Variants in CPA6 observed in about 807,000 individuals in gnomAD.
CPA6 encodes carboxypeptidase B.
A neutral mutation model predicts 63.3 loss-of-function variants in CPA6; 58 were observed. That is an observed-to-expected ratio of 0.92 (90% confidence interval 0.74 to 1.14). The LOEUF (loss-of-function observed/expected upper bound fraction) is 1.14. Ranked by LOEUF, CPA6 falls within the 50% of genes most tolerant of loss-of-function variation. The probability of loss-of-function intolerance (pLI) is 0.00; values close to 1 mark genes in which losing one functional copy is unlikely to be tolerated. For missense variants in CPA6, 565 were observed against 526.6 expected (o/e 1.07, Z -0.71); for synonymous variants, 185 against 179.0 (o/e 1.03, Z -0.27).
At chr8:67,716,734 G>A (rs888592456) in intron 1 of CPA6, among the ~76,000 whole-genome samples, 1 of 152,190 alleles carries the variant, frequency 6.6e-6, no homozygotes, top group African/African-American at 2.4e-5. Flanking sequence ...TGGGAGGCAG[G>A]TTTGCCTGAT....
intron 2 of CPA6, among the ~76,000 whole-genome samples, chr8:67,538,164 A>G (rs1173809221): frequency 6.6e-6 from 1 of 152,148 alleles, no homozygotes; most frequent in Admixed American, 6.5e-5. Context: ...ATATTCTGTC[A>G]ATTCATGGTG....
intron 1 of CPA6, among the ~76,000 whole-genome samples, chr8:67,666,841 C>T (rs1219217074): frequency 6.6e-6 from 1 of 152,240 alleles, no homozygotes; most frequent in Non-Finnish European, 1.5e-5. Flanking sequence ...TTGACACTCT[C>T]GATCATTCTT....
intron 2 of CPA6, among the ~76,000 whole-genome samples, chr8:67,594,768 G>A (rs1814271001): frequency 6.6e-6 from 1 of 152,076 alleles, no homozygotes; most frequent in Non-Finnish European, 1.5e-5. Flanking sequence ...GGTTATTCTA[G>A]TTATACATTT....
chr8:67,460,772 T>C (rs903992834), intron 8 of CPA6, among the ~76,000 whole-genome samples: 7 of 152,254 alleles, frequency 4.6e-5, no homozygotes, highest in Admixed American at 4.6e-4. Flanking sequence ...TCTATTTATC[T>C]ATATAATAAA....
At chr8:67,705,462 CA>C (rs1353825427) in intron 1 of CPA6, among the ~76,000 whole-genome samples, 1 of 152,198 alleles carries the variant, frequency 6.6e-6, no homozygotes, top group Admixed American at 6.5e-5. Context: ...GTAATGGGGG[CA>C]AATGGCACCA....
chr8:67,660,476 C>A (rs1816084396), intron 1 of CPA6, among the ~76,000 whole-genome samples: 1 of 148,940 alleles, frequency 6.7e-6, no homozygotes, highest in African/African-American at 2.5e-5. Flanking sequence ...ACTGCAGGCA[C>A]ACGGCATCAT....
chr8:67,423,984 A>T (rs1809826933), intron 10 of CPA6, among the ~76,000 whole-genome samples: 1 of 152,186 alleles, frequency 6.6e-6, no homozygotes, highest in African/African-American at 2.4e-5. Context: ...CGCTTGCATT[A>T]CTGCCTGAGC....
intron 1 of CPA6, chr8:67,732,765 G>C (rs1817730732): frequency 6.6e-6 from 1 of 152,144 alleles, no homozygotes; most frequent in African/African-American, 2.4e-5. Flanking sequence ...GATTTTGAGA[G>C]GTTTCACAGT....
chr8:67,504,526 G>A (rs189011854), intron 6 of CPA6, among the ~76,000 whole-genome samples: 6 of 152,244 alleles, frequency 3.9e-5, no homozygotes, highest in Non-Finnish European at 5.9e-5. Flanking sequence ...CAGGTGCCAC[G>A]TTTTCAGCTG....
At chr8:67,692,782 A>G (rs984980436) in intron 1 of CPA6, among the ~76,000 whole-genome samples, 1 of 152,238 alleles carries the variant, frequency 6.6e-6, no homozygotes, top group East Asian at 1.9e-4. Context: ...GGTCTCTGTG[A>G]AAGTGTTGAC....
intron 8 of CPA6, among the ~76,000 whole-genome samples, chr8:67,438,166 C>T (rs1436782520): frequency 6.6e-6 from 1 of 152,200 alleles, no homozygotes; most frequent in Non-Finnish European, 1.5e-5. Context: ...GATCTGCCCG[C>T]CTTGGCCTCC....
intron 1 of CPA6, among the ~76,000 whole-genome samples, chr8:67,689,468 C>G (rs1816773967): frequency 6.6e-6 from 1 of 152,168 alleles, no homozygotes; most frequent in Non-Finnish European, 1.5e-5. Flanking sequence ...TTGTTCCCAT[C>G]TTTATGGCCA....
intron 2 of CPA6, among the ~76,000 whole-genome samples, chr8:67,532,198 C>A (rs1335257218): frequency 6.6e-6 from 1 of 151,904 alleles, no homozygotes; most frequent in Non-Finnish European, 1.5e-5. Flanking sequence ...TTAGTATGGA[C>A]CAACCAAACA....
At chr8:67,532,701 G>A (rs1812503551) in intron 2 of CPA6, among the ~76,000 whole-genome samples, 1 of 151,938 alleles carries the variant, frequency 6.6e-6, no homozygotes, top group Non-Finnish European at 1.5e-5. Flanking sequence ...AAATGTAAAT[G>A]AAAGGAATAA....
intron 8 of CPA6, among the ~76,000 whole-genome samples, chr8:67,461,812 G>T (rs1269001083): frequency 6.0e-5 from 9 of 150,874 alleles, no homozygotes; most frequent in African/African-American, 2.0e-4. Context: ...CTGGCCGGGC[G>T]GGGGGCTGAC....
At position 67,588,092 on chromosome 8, in the gene CPA6, G is replaced by C. The variant is rs191211481; in HGVS notation, c.192+36084C>G. 2.6e-3 allele frequency among the ~76,000 whole-genome samples: 391 copies of C among 152,300 alleles called. 2 individuals carry two copies. Among genetic ancestry groups the C allele is most frequent in the African/African-American group, 9.0e-3 (376 of 41,560 alleles). ...TACTGCGCCACCTCATAGGGGGATT[G>C]CTATTCCTAGATTTATTGATAACTG... On this transcript the variant is annotated intron_variant, in intron 2 of 10. Transcript: ENST00000297770.
chr8:67,654,507 C>G (rs1031370099), intron 1 of CPA6, among the ~76,000 whole-genome samples: 43 of 152,098 alleles, frequency 2.8e-4, no homozygotes, highest in Non-Finnish European at 5.9e-4. Flanking sequence ...CCCATTTCTT[C>G]TAGATTTTCT....
chr8:67,664,383 T>C (rs1816182387), intron 1 of CPA6, among the ~76,000 whole-genome samples: 1 of 152,214 alleles, frequency 6.6e-6, no homozygotes, highest in Non-Finnish European at 1.5e-5. Context: ...TGTTCTATTC[T>C]TTTGACAGGC....
chr8:67,472,125 A>T (rs1811071910), intron 8 of CPA6, among the ~76,000 whole-genome samples: 1 of 152,158 alleles, frequency 6.6e-6, no homozygotes, highest in Non-Finnish European at 1.5e-5. Context: ...TAAAAACCTT[A>T]CTCATATGCT....
Sources: gnomAD v4.1 joint callset for allele counts (sites outside exome capture counted in the v4.1 genomes callset) on GRCh38, gnomAD v4.1.1 for gene constraint, MANE v1.5 for transcripts, NCBI Gene and HGNC (gene_info 2026-07-23, HGNC 2026-07-21) for gene names.